Variants in WDR64 observed in about 807,000 individuals in gnomAD.
WDR64 encodes WD repeat-containing protein 64.
A neutral mutation model predicts 139.3 loss-of-function variants in WDR64; 112 were observed. That is an observed-to-expected ratio of 0.80 (90% CI 0.69 to 0.94). WDR64 has a LOEUF of 0.94. Ranked by LOEUF, WDR64 falls within the 40% of genes least tolerant of loss-of-function variation. The pLI is 0.00. For missense variants in WDR64, 1,206 were observed against 1,293.1 expected (o/e 0.93, Z 1.03); for synonymous variants, 444 against 437.7 (o/e 1.01, Z -0.18).
In WDR64 at chr1:241,683,486, G is replaced by C. The variant is rs892553901; in HGVS notation, c.625-1G>C. Reference sequence around the variant, plus strand: ...CATTAAAGTCATTTTTCTGTTTCTAGGAAAATTATTTTGTCATAAAACCAA... The same window carrying C: ...CATTAAAGTCATTTTTCTGTTTCTACGAAAATTATTTTGTCATAAAACCAA... On this transcript the variant is annotated splice_acceptor_variant, in intron 6 of 27. Coordinates refer to ENST00000437684, the MANE Select transcript of WDR64 (RefSeq NM_001367482.1). LOFTEE classifies it high-confidence loss of function. 3 of 1,551,056 alleles carry C rather than the reference G, an allele frequency of 1.9e-6. No homozygotes were observed. In the African/African-American group the frequency reaches 4.1e-5, roughly 21 times the overall value.
chr1:241,774,362 A>G (rs1039487557), intron 20 of WDR64, among the ~76,000 whole-genome samples: 1 of 152,222 alleles, frequency 6.6e-6, no homozygotes, highest in African/African-American at 2.4e-5. Context: ...TAATCTTGGT[A>G]TTAGAACAAT....
At chr1:241,788,374 C>A (rs1659115719) in intron 24 of WDR64, among the ~76,000 whole-genome samples, 1 of 152,162 alleles carries the variant, frequency 6.6e-6, no homozygotes, top group Admixed American at 6.5e-5. Flanking sequence ...TCCACTTTTA[C>A]AATCTTCAAT....
chr1:241,693,455 A>G (rs1357476732), intron 8 of WDR64, among the ~76,000 whole-genome samples: 1 of 152,178 alleles, frequency 6.6e-6, no homozygotes, highest in Non-Finnish European at 1.5e-5. Flanking sequence ...ACTACTTTGT[A>G]TGATACTGTA....
chr1:241,688,264 C>G (rs981482037), intron 8 of WDR64, among the ~76,000 whole-genome samples: 3 of 152,062 alleles, frequency 2.0e-5, no homozygotes, highest in Admixed American at 2.0e-4. Flanking sequence ...TCAGTGGTTG[C>G]CTAGGACTGG....
chr1:241,658,357 C>T (rs1020289033), intron 1 of WDR64, among the ~76,000 whole-genome samples: 15 of 151,466 alleles, frequency 9.9e-5, no homozygotes, highest in Admixed American at 3.3e-4. Flanking sequence ...GAATTGCTCA[C>T]CAGGCACAGT....
intron 11 of WDR64, 58 bp downstream of exon 11, chr1:241,738,547 T>C: frequency 6.5e-7 from 1 of 1,547,478 alleles, no homozygotes; most frequent in East Asian, 2.3e-5. Flanking sequence ...AACCTTTTTT[T>C]AAACTAGCAC....
intron 22 of WDR64, among the ~76,000 whole-genome samples, chr1:241,782,864 C>T (rs1460237467): frequency 6.6e-6 from 1 of 152,104 alleles, no homozygotes; most frequent in Admixed American, 6.5e-5. Flanking sequence ...AGTCTTTTTG[C>T]CAATCTCCCC....
intron 22 of WDR64, among the ~76,000 whole-genome samples, chr1:241,781,485 A>T (rs1348300411): frequency 6.6e-6 from 1 of 152,208 alleles, no homozygotes; most frequent in Non-Finnish European, 1.5e-5. Context: ...CCGGCTATAG[A>T]TTACAACTGC....
At chr1:241,755,255 T>C (rs944327972) in intron 14 of WDR64, among the ~76,000 whole-genome samples, 4 of 152,228 alleles carry the variant, frequency 2.6e-5, no homozygotes, top group Non-Finnish European at 4.4e-5. Context: ...TTTTTAATGA[T>C]TGCCATCTAA....
chr1:241,743,026 T>G (rs867720564), intron 12 of WDR64, among the ~76,000 whole-genome samples: 37 of 152,206 alleles, frequency 2.4e-4, no homozygotes, highest in African/African-American at 7.7e-4. Flanking sequence ...AGTCTCTGAC[T>G]TCTGTGATCG....
At chr1:241,725,126 GA>G (rs139321209) in intron 10 of WDR64, among the ~76,000 whole-genome samples, 2,026 of 152,268 alleles carry the variant, frequency 0.013, 52 homozygotes, top group African/African-American at 0.046. Flanking sequence ...GTAGGGGAAA[GA>G]AAGTGGAGTG....
intron 14 of WDR64, among the ~76,000 whole-genome samples, chr1:241,752,151 G>T (rs1427124334): frequency 6.6e-6 from 1 of 152,066 alleles, no homozygotes; most frequent in African/African-American, 2.4e-5. Context: ...TCTTTATGAA[G>T]CAATTAACAT....
At chr1:241,699,999 G>T (rs1245512241) in intron 8 of WDR64, among the ~76,000 whole-genome samples, 4 of 151,672 alleles carry the variant, frequency 2.6e-5, no homozygotes, top group Admixed American at 6.6e-5. Context: ...CTCAAAGGAG[G>T]GAGACCAATT....
chr1:241,703,306 C>G lies in WDR64; in HGVS notation c.975-8496C>G, dbSNP rs1190275853. Reference sequence around the variant, plus strand: ...ACAACCCCTATCGTGTAACACATGCCCCCTGAAAAAAGTCACCCCTTTACC... The same window carrying G: ...ACAACCCCTATCGTGTAACACATGCGCCCTGAAAAAAGTCACCCCTTTACC... On this transcript the variant is annotated intron_variant, in intron 8 of 27. Transcript: ENST00000437684. This position sits in a 1 kb window ranked among gnomAD's most constrained non-coding sequence, Gnocchi z 5.9. Among the ~76,000 whole-genome samples, 1 of 152,070 alleles carries G rather than the reference C, an allele frequency of 6.6e-6. No homozygotes were observed. Among genetic ancestry groups the G allele is most frequent in the Non-Finnish European group, 1.5e-5 (1 of 68,020 alleles).
chr1:241,763,193 C>T (rs1156713089), intron 15 of WDR64, among the ~76,000 whole-genome samples: 3 of 151,088 alleles, frequency 2.0e-5, no homozygotes, highest in Non-Finnish European at 4.4e-5. Flanking sequence ...CAGAACCAGG[C>T]AGTTAACAAA....
At chr1:241,655,394 A>AC (rs1185984794) in intron 1 of WDR64, among the ~76,000 whole-genome samples, 1 of 151,730 alleles carries the variant, frequency 6.6e-6, no homozygotes, top group Admixed American at 6.6e-5. Context: ...GTCCCCCCTC[A>AC]CCCCCCAAAA....
chr1:241,691,231 AAG>A (rs1458307731), intron 8 of WDR64, among the ~76,000 whole-genome samples: 2 of 152,306 alleles, frequency 1.3e-5, no homozygotes, highest in East Asian at 1.9e-4. Flanking sequence ...AAGGCAGAAA[AAG>A]AGTAAAAGAC....
At chr1:241,688,884 G>A (rs947584847) in intron 8 of WDR64, among the ~76,000 whole-genome samples, 9 of 152,144 alleles carry the variant, frequency 5.9e-5, no homozygotes, top group African/African-American at 2.2e-4. Context: ...GAGTATCAGT[G>A]AAAAATTCTC....
rs1456214473 is a variant in WDR64, at chr1:241,685,391, TTTAA to T, written c.839+1697_839+1700del. On this transcript the variant is annotated intron_variant, in intron 7 of 27. Coordinates refer to ENST00000437684, the MANE Select transcript of WDR64 (RefSeq NM_001367482.1). ...AATTTGGGGGATAAAAAAATTTTAA[TTTAA>T]TTAATTTTTTATGTATATATGAATC... 2.0e-5 allele frequency among the ~76,000 whole-genome samples: 3 copies of T among 151,832 alleles called. No individual in the cohort carries two copies. In the East Asian group the frequency reaches 5.8e-4, roughly 29 times the overall value.
Sources: gnomAD v4.1 joint callset for allele counts (sites outside exome capture counted in the v4.1 genomes callset) on GRCh38, gnomAD v4.1.1 for gene constraint, Gnocchi (gnomAD v3.1) non-coding constraint, MANE v1.5 for transcripts, NCBI Gene and HGNC (gene_info 2026-07-23, HGNC 2026-07-21) for gene names.